The following NRXN1 variants were observed in gnomAD, a reference collection of about 807,000 sequenced individuals.
NRXN1 encodes neurexin 1, also known as neurexin-1.
A neutral mutation model predicts 150.9 loss-of-function variants in NRXN1; 39 were observed. That is an observed-to-expected ratio of 0.26 (90% confidence interval 0.20 to 0.34). NRXN1 has a LOEUF of 0.34. NRXN1 is among the 10% of genes least tolerant of loss of function. The pLI, the probability that NRXN1 is intolerant of heterozygous loss-of-function variation, is 1.00. For missense variants in NRXN1, 1,815 were observed against 1,949.9 expected (o/e 0.93, Z 1.30); for synonymous variants, 924 against 757.0 (o/e 1.22, Z -3.62).
At chr2:50,976,006 A>G (rs563640394) in intron 2 of NRXN1, among the ~76,000 whole-genome samples, 2 of 151,962 alleles carry the variant, frequency 1.3e-5, no homozygotes, top group South Asian at 4.1e-4. Context: ...TATTTTTTAT[A>G]TTTTGTCCCA....
At chr2:50,733,798 A>G (rs930326684) in intron 5 of NRXN1, among the ~76,000 whole-genome samples, 1 of 152,184 alleles carries the variant, frequency 6.6e-6, no homozygotes, top group African/African-American at 2.4e-5. Context: ...TGGTTTATAA[A>G]GATATTTCTA....
intron 12 of NRXN1, among the ~76,000 whole-genome samples, chr2:50,527,792 T>C (rs529815878): frequency 6.6e-6 from 1 of 152,296 alleles, no homozygotes; most frequent in East Asian, 1.9e-4. Flanking sequence ...AAAAATTCTT[T>C]ACTGTGACAG....
At chr2:50,610,659 A>G (rs929589871) in intron 8 of NRXN1, among the ~76,000 whole-genome samples, 1 of 120,076 alleles carries the variant, frequency 8.3e-6, no homozygotes, top group African/African-American at 3.2e-5. Context: ...ATATATATAT[A>G]TATATATATA....
intron 8 of NRXN1, among the ~76,000 whole-genome samples, chr2:50,561,380 A>G (rs556049824): frequency 6.6e-6 from 1 of 152,348 alleles, no homozygotes; most frequent in South Asian, 2.1e-4. Flanking sequence ...AAATGTCAGT[A>G]ATGTGAAGTT....
At chr2:50,223,983 G>A (rs1546655) in intron 18 of NRXN1, among the ~76,000 whole-genome samples, 86,777 of 151,712 alleles carry the variant, frequency 0.57, 25,360 homozygotes, top group African/African-American at 0.68. Context: ...AACTCACAAA[G>A]CAGCAAAGAT....
rs1293798171 is a variant in NRXN1 at position 51,023,151 on chromosome 2, A to G, written c.772+4351T>C. 2.6e-5 allele frequency among the ~76,000 whole-genome samples: 4 copies of G among 152,206 alleles called. No homozygotes were observed. The East Asian group carries it at 7.7e-4, about 29-fold the overall frequency. On this transcript the variant is annotated intron_variant, in intron 2 of 22. Transcript: ENST00000401669. ...GGTGCTTAACAAATGATGTTGACTG[A>G]CAAACAGAAAATGTTTCCTCTTTCT...
chr2:51,018,557 A>C (rs1364421207), intron 2 of NRXN1, among the ~76,000 whole-genome samples: 1 of 152,114 alleles, frequency 6.6e-6, no homozygotes, highest in Non-Finnish European at 1.5e-5. Context: ...TTGGGAAGCC[A>C]AACACGCTTA....
intron 22 of NRXN1, among the ~76,000 whole-genome samples, chr2:49,935,626 G>T (rs956511531): frequency 1.6e-4 from 24 of 152,200 alleles, no homozygotes; most frequent in Admixed American, 1.5e-3. Flanking sequence ...TGGAGCATAT[G>T]TGCCAACAAT....
chr2:50,178,342 G>T (rs186144473), intron 18 of NRXN1, among the ~76,000 whole-genome samples: 1 of 151,844 alleles, frequency 6.6e-6, no homozygotes, highest in Non-Finnish European at 1.5e-5. Context: ...TTTAAATTTG[G>T]GTTGACTTAG....
intron 17 of NRXN1, among the ~76,000 whole-genome samples, chr2:50,368,723 T>G (rs768810163): frequency 2.6e-5 from 4 of 151,940 alleles, no homozygotes; most frequent in Non-Finnish European, 4.4e-5. Flanking sequence ...AGTAGGCTAA[T>G]TTTTTATTGG....
intron 5 of NRXN1, among the ~76,000 whole-genome samples, chr2:50,700,953 A>T (rs1481758111): frequency 6.6e-6 from 1 of 152,116 alleles, no homozygotes; most frequent in East Asian, 1.9e-4. Flanking sequence ...GGCGTGAGCA[A>T]CTGCGCCCGG....
chr2:50,882,260 C>A (rs1657004589), intron 5 of NRXN1, among the ~76,000 whole-genome samples: 1 of 151,832 alleles, frequency 6.6e-6, no homozygotes, highest in African/African-American at 2.4e-5. Flanking sequence ...ACTAACATCA[C>A]ACATGGACAA....
At chr2:50,877,180 CAT>C (rs141559111) in intron 5 of NRXN1, among the ~76,000 whole-genome samples, 7,275 of 151,824 alleles carry the variant, frequency 0.048, 220 homozygotes, top group East Asian at 0.069. Context: ...CCAACACACA[CAT>C]AGACACACAC....
chr2:50,849,704 C>A (rs895516104), intron 5 of NRXN1, among the ~76,000 whole-genome samples: 1 of 152,152 alleles, frequency 6.6e-6, no homozygotes, highest in African/African-American at 2.4e-5. Flanking sequence ...CTCTTTGATA[C>A]ACTGATAAAT....
chr2:50,984,668 G>A (rs943031471), intron 2 of NRXN1, among the ~76,000 whole-genome samples: 1 of 152,054 alleles, frequency 6.6e-6, no homozygotes, highest in African/African-American at 2.4e-5. Flanking sequence ...CAAACAGTCT[G>A]TATTAAAAGT....
intron 17 of NRXN1, among the ~76,000 whole-genome samples, chr2:50,439,970 C>A (rs2085798054): frequency 6.6e-6 from 1 of 152,070 alleles, no homozygotes; most frequent in African/African-American, 2.4e-5. Context: ...GGTATCAGAG[C>A]TAGTAAATTA....
intron 16 of NRXN1, among the ~76,000 whole-genome samples, chr2:50,470,911 A>G (rs954441784): frequency 6.6e-6 from 1 of 151,826 alleles, no homozygotes; most frequent in Non-Finnish European, 1.5e-5. Context: ...ACTTCAGTGC[A>G]TTTCTGATAT....
At chr2:50,161,998 G>A (rs1042984103) in intron 18 of NRXN1, among the ~76,000 whole-genome samples, 1 of 152,106 alleles carries the variant, frequency 6.6e-6, no homozygotes, top group Non-Finnish European at 1.5e-5. Context: ...TAGCGAAAGA[G>A]TATCTCAAAA....
chr2:50,304,819 G>A (rs1456496129), intron 17 of NRXN1, among the ~76,000 whole-genome samples: 3 of 152,136 alleles, frequency 2.0e-5, no homozygotes, highest in East Asian at 1.9e-4. Context: ...GAGACCGAGT[G>A]TGGTGGCTCA....
Sources: gnomAD v4.1 joint callset for allele counts (sites outside exome capture counted in the v4.1 genomes callset) on GRCh38, gnomAD v4.1.1 for gene constraint, MANE v1.5 for transcripts, NCBI Gene and HGNC (gene_info 2026-07-23, HGNC 2026-07-21) for gene names.